SLC25A13: variants seen among roughly 807,000 people sequenced by gnomAD.
SLC25A13 encodes the protein electrogenic aspartate/glutamate antiporter SLC25A13, mitochondrial.
In SLC25A13, 70 loss-of-function variants were observed where a neutral mutation model predicts 85.5. The ratio of observed to expected loss-of-function variants is 0.82; its 90% CI spans 0.68 to 1.00. The LOEUF is 1.00. Ranked by LOEUF, SLC25A13 falls within the 50% of genes least tolerant of loss-of-function variation. SLC25A13 has a pLI of 0.00. For synonymous variants in SLC25A13, 259 were observed against 288.7 expected, an observed-to-expected ratio of 0.90 and a Z score of 1.04; for missense variants, 765 against 819.8, an observed-to-expected ratio of 0.93 and a Z score of 0.82.
chr7:96,297,990 G>A (rs1002162088), intron 1 of SLC25A13, among the ~76,000 whole-genome samples: 1 of 152,112 alleles, frequency 6.6e-6, no homozygotes, highest in African/African-American at 2.4e-5. Context: ...ACACAAAAGA[G>A]CCCTTATGTG....
chr7:96,157,155 G>A (rs73708487), intron 13 of SLC25A13, among the ~76,000 whole-genome samples: 1,593 of 152,268 alleles, frequency 0.01, 30 homozygotes, highest in African/African-American at 0.036. Context: ...TCAGCATGAA[G>A]TCCAAGCGCC....
At chr7:96,184,781 C>T (rs1794560518) in intron 10 of SLC25A13, 146 bp downstream of exon 10, 2 of 751,426 alleles carry the variant, frequency 2.7e-6, no homozygotes, top group Non-Finnish European at 4.6e-6. Context: ...TCCCTTTACT[C>T]TTGCCCTACC....
At chr7:96,247,724 T>C (rs1160332596) in intron 3 of SLC25A13, among the ~76,000 whole-genome samples, 1 of 152,166 alleles carries the variant, frequency 6.6e-6, no homozygotes, top group African/African-American at 2.4e-5. Context: ...TGACATATAA[T>C]TGACAAAAAT....
intron 1 of SLC25A13, among the ~76,000 whole-genome samples, chr7:96,297,824 A>G (rs376457074): frequency 4.2e-4 from 64 of 152,332 alleles, no homozygotes; most frequent in African/African-American, 1.4e-3. Context: ...ATTATTCTAC[A>G]TATTTTAGAA....
chr7:96,209,116 G>A (rs937651753), intron 4 of SLC25A13, 139 bp from the exon 5 acceptor site: 1 of 845,224 alleles, frequency 1.2e-6, no homozygotes, highest in South Asian at 1.7e-5. Context: ...TACAAACTAT[G>A]GCAGAAATAA....
At chr7:96,277,054 A>G (rs1798479103) in intron 3 of SLC25A13, 142 bp downstream of exon 3, 1 of 752,616 alleles carries the variant, frequency 1.3e-6, no homozygotes, top group Non-Finnish European at 2.0e-6. Context: ...TTACTCAAAT[A>G]ATGTAATAAT....
intron 3 of SLC25A13, among the ~76,000 whole-genome samples, chr7:96,240,022 C>T (rs1293304595): frequency 6.6e-6 from 1 of 152,182 alleles, no homozygotes; most frequent in African/African-American, 2.4e-5. Flanking sequence ...TGGAAAGGTA[C>T]TACAAGATAT....
rs1257100382 is a variant in SLC25A13, at chr7:96,189,225, C to T, written c.933+69G>A. The stretch of plus-strand genomic sequence containing the variant: ...GATACCAATGCCGCAAAGGCAACTG[C>T]AAGTGGAACAGGGTTGGGGTATCCT... On this transcript the variant is annotated intron_variant, in intron 9 of 17. Transcript: ENST00000265631. The T allele has an allele frequency of 2.9e-6, 4 of 1,376,512 alleles. No homozygotes were observed. The East Asian group carries it at 7.0e-5, about 24-fold the overall frequency. The allele number at this position is 1,376,512 out of a possible 1,614,324, so 85.3% of individuals were successfully genotyped here.
At chr7:96,275,047 A>G (rs1415366259) in intron 3 of SLC25A13, among the ~76,000 whole-genome samples, 1 of 152,224 alleles carries the variant, frequency 6.6e-6, no homozygotes, top group Non-Finnish European at 1.5e-5. Flanking sequence ...TCTGTGAAGA[A>G]AGTCATTGGT....
At chr7:96,208,366 G>A (rs570808432) in intron 5 of SLC25A13, among the ~76,000 whole-genome samples, 1 of 152,208 alleles carries the variant, frequency 6.6e-6, no homozygotes, top group East Asian at 1.9e-4. Flanking sequence ...ACTTCTCAAT[G>A]GGACAGTTTT....
At chr7:96,139,344 CAT>C (rs1199903946) in intron 14 of SLC25A13, among the ~76,000 whole-genome samples, 3 of 152,162 alleles carry the variant, frequency 2.0e-5, no homozygotes, top group African/African-American at 7.2e-5. Context: ...CAAACCCGCA[CAT>C]GTTCCCTCCA....
chr7:96,192,991 T>C (rs1794916661), intron 6 of SLC25A13, 46 bp downstream of exon 6: 1 of 1,596,830 alleles, frequency 6.3e-7, no homozygotes. Flanking sequence ...TTATAATTCC[T>C]TATTTACTGA....
At chr7:96,160,502 C>T (rs1793465221) in intron 13 of SLC25A13, among the ~76,000 whole-genome samples, 1 of 152,204 alleles carries the variant, frequency 6.6e-6, no homozygotes. Flanking sequence ...GATCACAGTG[C>T]CGGCACAGTT....
chr7:96,219,009 A>C (rs534480276), intron 4 of SLC25A13, among the ~76,000 whole-genome samples: 45 of 152,320 alleles, frequency 3.0e-4, no homozygotes, highest in Middle Eastern at 3.4e-3. Context: ...ATAATGGAGT[A>C]AGTGGATGCA....
At chr7:96,170,863 G>A (rs1419579527) in intron 12 of SLC25A13, among the ~76,000 whole-genome samples, 1 of 152,108 alleles carries the variant, frequency 6.6e-6, no homozygotes, top group Non-Finnish European at 1.5e-5. Flanking sequence ...TTCCACAAAC[G>A]CTTAAACTGA....
intron 13 of SLC25A13, chr7:96,169,823 A>G (rs1390319296): frequency 1.7e-6 from 1 of 571,852 alleles, no homozygotes; most frequent in African/African-American, 1.9e-5. Flanking sequence ...GCAATGACGA[A>G]TTTAACAGGC....
At position 96,234,740 on chromosome 7, in the gene SLC25A13, AAAAAG is replaced by A. The variant is rs1411657526; in HGVS notation, c.328+57_328+61del. 1.4e-5 allele frequency: 19 copies of A among 1,322,892 alleles called. No individual in the cohort carries two copies. In the African/African-American group the frequency reaches 1.9e-4, roughly 13 times the overall value. The allele number at this position is 1,322,892 out of a possible 1,614,324, so 81.9% of individuals were successfully genotyped here. ...ACTTTATTTTGTTCCTAGAAAAAAA[AAAAAG>A]AAAATGCTCACACAAGTCCACACTT... is the stretch of plus-strand genomic sequence containing the variant. On this transcript the variant is annotated intron_variant, in intron 4 of 17. Coordinates refer to ENST00000265631, the MANE Select transcript of SLC25A13 (RefSeq NM_014251.3).
intron 11 of SLC25A13, among the ~76,000 whole-genome samples, chr7:96,173,988 C>G (rs748979060): frequency 1.3e-5 from 2 of 152,178 alleles, no homozygotes; most frequent in Non-Finnish European, 1.5e-5. Flanking sequence ...TTGGAAGTCA[C>G]GTGTGTGCTA....
At chr7:96,295,988 T>A (rs1799333592) in intron 2 of SLC25A13, among the ~76,000 whole-genome samples, 1 of 152,086 alleles carries the variant, frequency 6.6e-6, no homozygotes. Flanking sequence ...GGTGTTTCGG[T>A]GTCTGGAACC....
Sources: gnomAD v4.1 joint callset for allele counts (sites outside exome capture counted in the v4.1 genomes callset) on GRCh38, gnomAD v4.1.1 for gene constraint, MANE v1.5 for transcripts, NCBI Gene and HGNC (gene_info 2026-07-23, HGNC 2026-07-21) for gene names.